OAT: variants seen among roughly 807,000 people sequenced by gnomAD.
OAT encodes the protein ornithine aminotransferase.
A neutral mutation model predicts 48.4 loss-of-function variants in OAT; 35 were observed. The observed-to-expected ratio is 0.72, with a 90% CI of 0.55 to 0.96. The LOEUF (loss-of-function observed/expected upper bound fraction) is 0.96, where lower values mean the gene tolerates loss of function less well. Ranked by LOEUF, OAT falls within the 40% of genes least tolerant of loss-of-function variation. The pLI is 0.00. For missense variants in OAT, 438 were observed against 537.9 expected, an observed-to-expected ratio of 0.81 and a Z score of 1.84; for synonymous variants, 182 against 198.4, an observed-to-expected ratio of 0.92 and a Z score of 0.70.
intron 9 of OAT, among the ~76,000 whole-genome samples, chr10:124,400,066 A>G (rs2491157): frequency 0.76 from 115,628 of 152,206 alleles, 44,022 homozygotes; most frequent in East Asian, 0.91. Context: ...TACTCTTAAT[A>G]TAATTATAAA....
intron 7 of OAT, 60 bp from the exon 8 acceptor site, chr10:124,401,899 T>A: frequency 8.1e-7 from 1 of 1,239,162 alleles, no homozygotes; most frequent in Non-Finnish European, 1.2e-6. Context: ...CTAAGCATCC[T>A]TTTCCCCAGA....
chr10:124,403,409 T>G, intron 6 of OAT: 1 of 420,848 alleles, frequency 2.4e-6, no homozygotes. Flanking sequence ...ATTTAATATG[T>G]GACAGAAACT....
At chr10:124,416,150 C>T (rs899558984) in intron 1 of OAT, among the ~76,000 whole-genome samples, 5 of 152,128 alleles carry the variant, frequency 3.3e-5, no homozygotes, top group Non-Finnish European at 1.5e-5. Context: ...AGACTTGTAA[C>T]GGGTCCTAAC....
intron 9 of OAT, 41 bp from the exon 10 acceptor site, chr10:124,398,143 G>A (rs372393685): frequency 8.7e-6 from 14 of 1,609,170 alleles, no homozygotes; most frequent in South Asian, 2.2e-5. Flanking sequence ...AAAGATAAAC[G>A]TTTAAACATC....
In OAT at chr10:124,397,934, G is replaced by T. The variant is rs1332233931; in HGVS notation, c.*8C>A. 1 of 1,613,530 alleles carries T rather than the reference G, an allele frequency of 6.2e-7. No homozygotes were observed. The highest frequency in any genetic ancestry group is 2.2e-5 in the East Asian group (1 of 44,888). On this transcript the variant is annotated 3_prime_UTR_variant, in exon 10 of 10. Coordinates refer to ENST00000368845, the MANE Select transcript of OAT (RefSeq NM_000274.4). ...CTCCCAGGGACCACTGAAAACAGCT[G>T]GCTACCCTCAGAAAGACAAGATGGT... is the stretch of plus-strand genomic sequence containing the variant.
In OAT at chr10:124,416,903, T is replaced by C. The variant is rs191165446; in HGVS notation, c.-30+1970A>G. Among the ~76,000 whole-genome samples the C allele has an allele frequency of 1.3e-3, 190 of 148,964 alleles. 1 individual carries two copies. The highest frequency in any genetic ancestry group is 3.7e-3 in the Admixed American group (55 of 14,934). The stretch of plus-strand genomic sequence containing the variant: ...AAAAAAAAAGTTCTACCAACAGAAG[T>C]CTCTTTGACGTAATCAGTATTCTGG... On this transcript the variant is annotated intron_variant, in intron 1 of 9. Transcript: ENST00000368845.
chr10:124,408,855 G>T lies in OAT; in HGVS notation c.310C>A (p.Gln104Lys). 1 of 1,613,058 alleles carries T rather than the reference G, an allele frequency of 6.2e-7. No homozygotes were observed. Among genetic ancestry groups the T allele is most frequent in the South Asian group, 1.1e-5 (1 of 91,026 alleles). Residue 104 changes from glutamine (Q) to lysine (K), a missense_variant, in exon 3 of 10, where the codon CAA (glutamine) becomes AAA (lysine). Transcript: ENST00000368845. ...HPKIVNALKS[Q>K]VDKLTLTSRA... ...GATGTTAAGGTCAATTTGTCCACTT[G>T]ACTCTTCAGAGCATTCACAATCTTG...
chr10:124,414,988 G>T (rs1466423904), intron 1 of OAT: 3 of 137,718 alleles, frequency 2.2e-5, no homozygotes, highest in Non-Finnish European at 4.6e-5. Flanking sequence ...TAAGACTAAG[G>T]TGGAAAGATC....
intron 2 of OAT, among the ~76,000 whole-genome samples, chr10:124,410,244 A>C (rs1422572020): frequency 6.6e-6 from 1 of 152,242 alleles, no homozygotes; most frequent in Non-Finnish European, 1.5e-5. Flanking sequence ...TGAAATTGTG[A>C]GTAAAAGTTC....
At chr10:124,415,203 C>G (rs1227504398) in intron 1 of OAT, 1 of 143,146 alleles carries the variant, frequency 7.0e-6, no homozygotes, top group Non-Finnish European at 1.5e-5. Flanking sequence ...ATGAAAAATT[C>G]ATTTACCTGT....
chr10:124,408,343 A>ATATATT (rs1434453635), intron 4 of OAT, among the ~76,000 whole-genome samples, 199 bp downstream of exon 4: 2 of 83,814 alleles, frequency 2.4e-5, no homozygotes, highest in East Asian at 4.4e-4. Context: ...ATATATATAT[A>ATATATT]TTTTTTTTTT....
Position 124,397,985 on chromosome 10 carries a change from C to T in OAT, c.1277G>A (p.Arg426Gln), listed in dbSNP as rs767957551. Reference protein sequence around the residue: ...PPLVIKEDELRESIEIINKTI... With the variant: ...PPLVIKEDELQESIEIINKTI... ...CTTGTTAATAATTTCAATGGACTCT[C>T]GAAGCTCATCCTCCTTGATCACCAG... The change falls in exon 10 of 10, where the codon CGA becomes CAA. Residue 426 changes from arginine (R) to glutamine (Q), a missense_variant. Arg to Gln is a conservative substitution (Grantham distance 43). Coordinates refer to ENST00000368845, the MANE Select transcript of OAT (RefSeq NM_000274.4). The T allele has an allele frequency of 2.3e-5, 37 of 1,613,908 alleles. No individual in the cohort carries two copies. The highest frequency in any genetic ancestry group is 3.1e-5 in the Non-Finnish European group (37 of 1,179,870).
chr10:124,400,837 T>C lies in OAT; in HGVS notation c.1159+3A>G, dbSNP rs1473814378. On this transcript the variant is annotated splice_donor_region_variant and intron_variant, in intron 9 of 9. Coordinates refer to ENST00000368845, the MANE Select transcript of OAT (RefSeq NM_000274.4). The stretch of plus-strand genomic sequence containing the variant: ...ATCTTGAGTAAATGTTTTATCTCCA[T>C]ACCTTTGGTTTCTTTAATGACAATA... 9 of 1,590,706 alleles carry C rather than the reference T, an allele frequency of 5.7e-6. No homozygotes were observed. The highest frequency in any genetic ancestry group is 2.3e-4 in the Middle Eastern group (1 of 4,390).
intron 8 of OAT, 48 bp downstream of exon 8, chr10:124,401,678 C>T (rs542467067): frequency 4.0e-5 from 51 of 1,279,782 alleles, no homozygotes; most frequent in Non-Finnish European, 5.6e-5. Flanking sequence ...AAAATCACTT[C>T]AACATTGCTT....
chr10:124,399,259 G>A (rs945621735), intron 9 of OAT, among the ~76,000 whole-genome samples: 9 of 149,602 alleles, frequency 6.0e-5, no homozygotes, highest in African/African-American at 9.9e-5. Flanking sequence ...CCTGTGCCCC[G>A]TCCCAGATCC....
chr10:124,406,192 T>C (rs1289302352), intron 4 of OAT: 1 of 904,490 alleles, frequency 1.1e-6, no homozygotes, highest in Non-Finnish European at 1.3e-6. Context: ...AGGCATTGTT[T>C]TAGATGTTGG....
Position 124,398,097 on chromosome 10 carries a change from C to A in OAT, c.1165G>T (p.Asp389Tyr), listed in dbSNP as rs1281980374. The change falls in exon 10 of 10, where the codon GAT becomes TAT. Residue 389 changes from aspartate (D) to tyrosine (Y), a missense_variant. By Grantham distance (160) the Asp-to-Tyr change is radical (BLOSUM62 -3). Coordinates refer to ENST00000368845, the MANE Select transcript of OAT (RefSeq NM_000274.4). ...AIVIKETKDW[D>Y]AWKVCLRLRD... ...AGTCGTAGACACACCTTCCAAGCAT[C>A]CCAATCTAAAGAAAAATAGTAAAAC... The A allele has an allele frequency of 1.7e-5, 27 of 1,613,954 alleles. No individual in the cohort carries two copies. The East Asian group carries it at 5.8e-4, about 35-fold the overall frequency.
At chr10:124,415,846 G>T (rs1951902303) in intron 1 of OAT, among the ~76,000 whole-genome samples, 1 of 152,058 alleles carries the variant, frequency 6.6e-6, no homozygotes, top group Non-Finnish European at 1.5e-5. Flanking sequence ...AGCACAAAAT[G>T]GCCACTCAGT....
rs748239683 is a variant in OAT, at chr10:124,401,770, C to A, written c.970G>T (p.Gly324Cys). ...IKPGEHGSTYGGNPLGCRVAI... is the reference protein window; with the variant it reads ...IKPGEHGSTYCGNPLGCRVAI... The stretch of plus-strand genomic sequence containing the variant: ...ACTCGGCAGCCTAGTGGATTGCCAC[C>A]GTATGTGGACCCATGCTCCCCTGGC... The change falls in exon 8 of 10, where the codon GGT becomes TGT. Residue 324 changes from glycine (G) to cysteine (C), a missense_variant. Coordinates refer to ENST00000368845, the MANE Select transcript of OAT (RefSeq NM_000274.4). 1 of 1,613,148 alleles carries A rather than the reference C, an allele frequency of 6.2e-7. No individual in the cohort carries two copies. The highest frequency in any genetic ancestry group is 8.5e-7 in the Non-Finnish European group (1 of 1,179,830).
Sources: allele counts gnomAD v4.1 joint callset (sites outside exome capture counted in the v4.1 genomes callset), GRCh38; gene constraint gnomAD v4.1.1; transcripts MANE v1.5; gene names NCBI Gene and HGNC (gene_info 2026-07-23, HGNC 2026-07-21).